CCDC171: variants seen among roughly 807,000 people sequenced by gnomAD.
CCDC171 encodes coiled-coil domain-containing protein 171.
Under a neutral mutation model 168.2 loss-of-function variants are expected in CCDC171, and 177 were observed. The observed-to-expected ratio is 1.05, with a 90% CI of 0.93 to 1.19. The LOEUF is 1.19. Among genes scored for constraint, CCDC171 ranks in the 50% most tolerant of loss-of-function variants. The probability of loss-of-function intolerance (pLI) is 0.00; values close to 1 mark genes in which losing one functional copy is unlikely to be tolerated. For missense variants in CCDC171, 1,991 were observed against 1,539.0 expected, an observed-to-expected ratio of 1.29 and a Z score of -4.91; for synonymous variants, 687 against 540.8, an observed-to-expected ratio of 1.27 and a Z score of -3.75.
chr9:15,853,310 A>T (rs932767689), intron 23 of CCDC171, among the ~76,000 whole-genome samples: 8 of 151,706 alleles, frequency 5.3e-5, no homozygotes, highest in African/African-American at 1.9e-4. Flanking sequence ...GGTTAAGTTT[A>T]TTCTTAAGTA....
At chr9:15,695,869 C>A (rs1182384628) in intron 11 of CCDC171, among the ~76,000 whole-genome samples, 6 of 152,018 alleles carry the variant, frequency 3.9e-5, no homozygotes, top group Non-Finnish European at 7.4e-5. Flanking sequence ...AGTTATTAGC[C>A]CACTTCATAT....
At chr9:16,028,236 A>G (rs1395659907) in intron 6 of CCDC171, among the ~76,000 whole-genome samples, 1 of 152,156 alleles carries the variant, frequency 6.6e-6, no homozygotes, top group Non-Finnish European at 1.5e-5. Flanking sequence ...CCATGGAGCT[A>G]TTGGAAGCTT....
At chr9:15,663,659 G>A (rs1290853574) in intron 8 of CCDC171, among the ~76,000 whole-genome samples, 1 of 146,944 alleles carries the variant, frequency 6.8e-6, no homozygotes, top group Non-Finnish European at 1.5e-5. Flanking sequence ...AGGCTGGAGT[G>A]CAGTGGCGCG....
At chr9:15,558,449 G>C (rs559547406) in intron 1 of CCDC171, among the ~76,000 whole-genome samples, 1 of 152,144 alleles carries the variant, frequency 6.6e-6, no homozygotes, top group South Asian at 2.1e-4. Context: ...ACTTCTTCCT[G>C]GTTTAGTCTT....
intron 20 of CCDC171, among the ~76,000 whole-genome samples, chr9:15,781,683 G>A (rs1041794508): frequency 1.3e-5 from 2 of 152,100 alleles, no homozygotes; most frequent in African/African-American, 4.8e-5. Flanking sequence ...AAAATGCTGG[G>A]ATTACAGATG....
At chr9:15,610,776 C>T (rs981496608) in intron 6 of CCDC171, among the ~76,000 whole-genome samples, 1 of 152,080 alleles carries the variant, frequency 6.6e-6, no homozygotes, top group Non-Finnish European at 1.5e-5. Flanking sequence ...CCAGTCTGGT[C>T]TTGAACTCCT....
rs201001529 is a variant in CCDC171, at chr9:15,678,942, A to G, written c.1215+46A>G. On this transcript the variant is annotated intron_variant, in intron 10 of 25. Transcript: ENST00000380701. Reference sequence around the variant, plus strand: ...CCTATGGAAATCACTTTATTAGGTCATATTGGATGTATAGCAGGGTTTTTC... The same window carrying G: ...CCTATGGAAATCACTTTATTAGGTCGTATTGGATGTATAGCAGGGTTTTTC... 3.2e-5 allele frequency: 45 copies of G among 1,393,864 alleles called. No homozygotes were observed. In the Middle Eastern group the frequency reaches 5.5e-4, roughly 17 times the overall value. The allele number at this position is 1,393,864 out of a possible 1,614,324, so 86.3% of individuals were successfully genotyped here.
intron 23 of CCDC171, among the ~76,000 whole-genome samples, chr9:15,850,769 A>AT (rs2061090392): frequency 6.6e-6 from 1 of 151,714 alleles, no homozygotes; most frequent in Non-Finnish European, 1.5e-5. Context: ...CAATAGGTTT[A>AT]TTTTTCTGGC....
intron 7 of CCDC171, among the ~76,000 whole-genome samples, chr9:15,635,279 C>CT (rs1282772230): frequency 6.6e-6 from 1 of 152,090 alleles, no homozygotes; most frequent in Non-Finnish European, 1.5e-5. Context: ...CTGAGAGCCC[C>CT]TTTTTATCAT....
chr9:15,687,294 A>G (rs886902419), intron 10 of CCDC171, among the ~76,000 whole-genome samples: 1 of 152,144 alleles, frequency 6.6e-6, no homozygotes, highest in African/African-American at 2.4e-5. Context: ...ATAGTCATCT[A>G]TATTCAAAAA....
At chr9:15,607,986 G>A (rs1336594065) in intron 6 of CCDC171, among the ~76,000 whole-genome samples, 1 of 152,116 alleles carries the variant, frequency 6.6e-6, no homozygotes, top group Non-Finnish European at 1.5e-5. Context: ...AATGTCAAGG[G>A]ACTGCATCTG....
chr9:15,609,226 A>G (rs1173421584), intron 6 of CCDC171, among the ~76,000 whole-genome samples: 1 of 151,590 alleles, frequency 6.6e-6, no homozygotes, highest in Non-Finnish European at 1.5e-5. Flanking sequence ...CAGCCTCCCG[A>G]GTAGCTGGGA....
Position 15,632,502 on chromosome 9 carries a change from C to G in CCDC171, c.822+9089C>G, listed in dbSNP as rs2045808351. On this transcript the variant is annotated intron_variant, in intron 7 of 25. Coordinates refer to ENST00000380701, the MANE Select transcript of CCDC171 (RefSeq NM_173550.4). Reference sequence around the variant, plus strand: ...CCTCTTCAAGGAGAGCTACAAACCACTGCTCAACAAAATAAAAGAGGATAC... The same window carrying G: ...CCTCTTCAAGGAGAGCTACAAACCAGTGCTCAACAAAATAAAAGAGGATAC... Among the ~76,000 whole-genome samples the G allele has an allele frequency of 2.6e-5, 4 of 152,100 alleles. No individual in the cohort carries two copies. In the South Asian group the frequency reaches 6.2e-4, roughly 24 times the overall value.
intron 23 of CCDC171, among the ~76,000 whole-genome samples, chr9:15,855,410 T>C (rs1372876058): frequency 2.0e-5 from 3 of 151,882 alleles, no homozygotes; most frequent in South Asian, 2.1e-4. Flanking sequence ...TTTCTGTCTT[T>C]TCACTTTTAA....
intron 18 of CCDC171, among the ~76,000 whole-genome samples, chr9:15,774,032 G>A (rs892306577): frequency 4.6e-5 from 7 of 152,020 alleles, no homozygotes; most frequent in Non-Finnish European, 1.0e-4. Context: ...GATCACTTGA[G>A]GTCAGGATTT....
At chr9:16,001,034 C>G (rs1832527382) in intron 3 of CCDC171, among the ~76,000 whole-genome samples, 1 of 152,050 alleles carries the variant, frequency 6.6e-6, no homozygotes, top group African/African-American at 2.4e-5. Context: ...TCACAGTAAC[C>G]AAACTTGCCA....
At chr9:15,684,387 T>G (rs1208636138) in intron 10 of CCDC171, among the ~76,000 whole-genome samples, 4 of 152,108 alleles carry the variant, frequency 2.6e-5, no homozygotes, top group African/African-American at 9.7e-5. Flanking sequence ...TGTTTGTTTT[T>G]TCTATTATTT....
At chr9:15,890,990 C>A (rs1820142385) in intron 24 of CCDC171, among the ~76,000 whole-genome samples, 2 of 152,100 alleles carry the variant, frequency 1.3e-5, no homozygotes, top group Admixed American at 1.3e-4. Flanking sequence ...TTCTCTCTTT[C>A]TCTCTTTGCC....
At chr9:15,757,886 A>G (rs2056223157) in intron 18 of CCDC171, among the ~76,000 whole-genome samples, 2 of 152,180 alleles carry the variant, frequency 1.3e-5, no homozygotes. Context: ...CTACGAGTGA[A>G]CAGAAGTCAA....
Sources: gnomAD v4.1 joint callset for allele counts (sites outside exome capture counted in the v4.1 genomes callset) on GRCh38, gnomAD v4.1.1 for gene constraint, MANE v1.5 for transcripts, NCBI Gene and HGNC (gene_info 2026-07-23, HGNC 2026-07-21) for gene names.